The following MCTP1 variants were observed in gnomAD, a reference collection of about 807,000 sequenced individuals.
The protein encoded by MCTP1 is multiple C2 and transmembrane domain-containing protein 1.
A neutral mutation model predicts 120.6 loss-of-function variants in MCTP1; 69 were observed. The observed-to-expected ratio is 0.57, with a 90% CI of 0.47 to 0.70. The LOEUF (loss-of-function observed/expected upper bound fraction) is 0.70, where lower values mean the gene tolerates loss of function less well. Ranked by LOEUF, MCTP1 falls within the 30% of genes least tolerant of loss-of-function variation. MCTP1 has a pLI of 0.00. For synonymous variants in MCTP1, 529 were observed against 493.1 expected, an observed-to-expected ratio of 1.07 and a Z score of -0.96; for missense variants, 1,203 against 1,248.8, an observed-to-expected ratio of 0.96 and a Z score of 0.55.
chr5:94,917,976 G>A lies in MCTP1; in HGVS notation c.1273-3C>T. 1 of 1,612,994 alleles carries A rather than the reference G, an allele frequency of 6.2e-7. No homozygotes were observed. The highest frequency in any genetic ancestry group is 8.5e-7 in the Non-Finnish European group (1 of 1,178,996). On this transcript the variant is annotated splice_polypyrimidine_tract_variant and splice_region_variant and intron_variant, in intron 7 of 22. Coordinates refer to ENST00000515393, the MANE Select transcript of MCTP1 (RefSeq NM_024717.7). ...GGAAGAGCTGGCCTGCCGCACGTCT[G>A]GATGGAAATGAATGATCAGAGCTGT...
chr5:95,091,788 G>T (rs558077479), intron 1 of MCTP1, among the ~76,000 whole-genome samples: 35 of 152,294 alleles, frequency 2.3e-4, no homozygotes, highest in Admixed American at 1.8e-3. Context: ...AAATAAAATG[G>T]TAGTTTTAAG....
intron 1 of MCTP1, among the ~76,000 whole-genome samples, chr5:95,094,307 T>G (rs1237125633): frequency 6.6e-6 from 1 of 152,218 alleles, no homozygotes; most frequent in African/African-American, 2.4e-5. Context: ...TTTTTTTCCA[T>G]TTGGATCTCT....
chr5:95,280,846 T>G (rs1431853790), intron 1 of MCTP1, among the ~76,000 whole-genome samples: 1 of 152,140 alleles, frequency 6.6e-6, no homozygotes, highest in Non-Finnish European at 1.5e-5. Flanking sequence ...GACTCCCAAA[T>G]CTCTTTCCCC....
chr5:94,757,900 G>C (rs910015866), intron 19 of MCTP1, among the ~76,000 whole-genome samples: 1 of 152,212 alleles, frequency 6.6e-6, no homozygotes, highest in Non-Finnish European at 1.5e-5. Flanking sequence ...AGTGCACAGG[G>C]AAACAGAAGG....
intron 1 of MCTP1, among the ~76,000 whole-genome samples, chr5:95,137,772 T>C (rs765573176): frequency 6.6e-6 from 1 of 152,170 alleles, no homozygotes; most frequent in Non-Finnish European, 1.5e-5. Flanking sequence ...AAAGCAAACA[T>C]CATAAATGAA....
intron 10 of MCTP1, among the ~76,000 whole-genome samples, chr5:94,902,592 A>G (rs912667188): frequency 2.0e-5 from 3 of 152,208 alleles, no homozygotes; most frequent in African/African-American, 7.2e-5. Context: ...TTAATATATG[A>G]GAACTACTTT....
chr5:94,850,495 G>A (rs536938120), intron 17 of MCTP1, among the ~76,000 whole-genome samples: 1 of 152,256 alleles, frequency 6.6e-6, no homozygotes, highest in African/African-American at 2.4e-5. Context: ...AAGACAATTA[G>A]CATGGAGGGG....
intron 1 of MCTP1, among the ~76,000 whole-genome samples, chr5:95,077,112 A>G (rs1562119955): frequency 6.6e-6 from 1 of 152,176 alleles, no homozygotes; most frequent in Non-Finnish European, 1.5e-5. Flanking sequence ...TCTTAGTTTG[A>G]GTTCTCTAAT....
chr5:94,785,609 CATT>C (rs1375781045), intron 18 of MCTP1, among the ~76,000 whole-genome samples: 1 of 152,034 alleles, frequency 6.6e-6, no homozygotes, highest in African/African-American at 2.4e-5. Flanking sequence ...ATATTTTATA[CATT>C]AATAACAGAG....
At chr5:94,710,558 A>G in intron 21 of MCTP1, 1 of 348,488 alleles carries the variant, frequency 2.9e-6, no homozygotes, top group East Asian at 6.1e-5. Context: ...ACAAAGCTAC[A>G]CTTTGATATA....
chr5:94,806,784 C>A (rs929460724), intron 17 of MCTP1, among the ~76,000 whole-genome samples: 2 of 152,208 alleles, frequency 1.3e-5, no homozygotes, highest in Admixed American at 6.5e-5. Context: ...AGCTGTGGAT[C>A]ATTAGCTCTC....
At chr5:95,192,313 G>C (rs537967886) in intron 1 of MCTP1, among the ~76,000 whole-genome samples, 9 of 151,858 alleles carry the variant, frequency 5.9e-5, no homozygotes, top group Non-Finnish European at 1.3e-4. Context: ...AATTTGACAT[G>C]TTTTTTCCTT....
At chr5:94,861,224 C>T (rs1795719036) in intron 17 of MCTP1, among the ~76,000 whole-genome samples, 1 of 151,906 alleles carries the variant, frequency 6.6e-6, no homozygotes, top group Non-Finnish European at 1.5e-5. Context: ...GTGTCTATCC[C>T]AATTCTCACT....
chr5:94,975,705 C>T (rs1453695126), intron 2 of MCTP1, among the ~76,000 whole-genome samples: 1 of 152,068 alleles, frequency 6.6e-6, no homozygotes, highest in East Asian at 1.9e-4. Context: ...GTCACAGCCT[C>T]TCTCCAATAA....
intron 2 of MCTP1, among the ~76,000 whole-genome samples, chr5:95,008,318 G>T (rs1431350345): frequency 6.6e-6 from 1 of 152,136 alleles, no homozygotes; most frequent in Non-Finnish European, 1.5e-5. Flanking sequence ...CTTCATTGGA[G>T]AAACCCTATA....
chr5:94,835,567 A>T (rs974428025), intron 17 of MCTP1, among the ~76,000 whole-genome samples: 1 of 152,234 alleles, frequency 6.6e-6, no homozygotes, highest in Admixed American at 6.5e-5. Flanking sequence ...ACAGCAACTC[A>T]ATAGTGGCTG....
At chr5:94,941,361 A>C (rs1365833169) in intron 4 of MCTP1, among the ~76,000 whole-genome samples, 2 of 152,048 alleles carry the variant, frequency 1.3e-5, no homozygotes, top group Non-Finnish European at 2.9e-5. Flanking sequence ...ACTTACAGAA[A>C]AAGTACAGGA....
At chr5:95,189,404 C>T (rs1749586724) in intron 1 of MCTP1, among the ~76,000 whole-genome samples, 1 of 152,136 alleles carries the variant, frequency 6.6e-6, no homozygotes, top group Admixed American at 6.5e-5. Flanking sequence ...CTTATCAAAG[C>T]ATATCCTTTA....
At chr5:94,910,727 GCTAA>G (rs1050216151) in intron 9 of MCTP1, among the ~76,000 whole-genome samples, 6 of 152,156 alleles carry the variant, frequency 3.9e-5, no homozygotes, top group African/African-American at 1.4e-4. Context: ...CGGAAATGGT[GCTAA>G]CTAAGAAAGG....
Sources: allele counts gnomAD v4.1 joint callset (sites outside exome capture counted in the v4.1 genomes callset), GRCh38; gene constraint gnomAD v4.1.1; transcripts MANE v1.5; gene names NCBI Gene and HGNC (gene_info 2026-07-23, HGNC 2026-07-21).